TRIO: variants seen among roughly 807,000 people sequenced by gnomAD.
TRIO encodes triple functional domain protein.
In TRIO, 58 loss-of-function variants were observed where a neutral mutation model predicts 351.9. The ratio of observed to expected loss-of-function variants is 0.16; its 90% confidence interval spans 0.13 to 0.21. The LOEUF is 0.21. Ranked by LOEUF, TRIO falls within the 10% of genes least tolerant of loss-of-function variation. The probability of loss-of-function intolerance (pLI) is 1.00; values close to 1 mark genes in which losing one functional copy is unlikely to be tolerated. For synonymous variants in TRIO, 1,758 were observed against 1,595.7 expected, an observed-to-expected ratio of 1.10 and a Z score of -2.42; for missense variants, 3,201 against 4,027.8, an observed-to-expected ratio of 0.79 and a Z score of 5.56.
At chr5:14,160,577 C>G (rs1788386201) in intron 1 of TRIO, among the ~76,000 whole-genome samples, 1 of 152,136 alleles carries the variant, frequency 6.6e-6, no homozygotes, top group Non-Finnish European at 1.5e-5. Context: ...CTTTTGGCCT[C>G]TTTTAAAAAT....
At chr5:14,179,599 G>A (rs1789625716) in intron 1 of TRIO, among the ~76,000 whole-genome samples, 1 of 149,182 alleles carries the variant, frequency 6.7e-6, no homozygotes, top group African/African-American at 2.5e-5. Context: ...ACGAAGCCCA[G>A]CTCAGTTTTT....
intron 45 of TRIO, among the ~76,000 whole-genome samples, chr5:14,482,265 GTTCC>G (rs1755586195): frequency 1.3e-5 from 2 of 152,130 alleles, no homozygotes; most frequent in African/African-American, 4.8e-5. Context: ...TGCCTGATGA[GTTCC>G]TGCTGGCGAC....
intron 49 of TRIO, among the ~76,000 whole-genome samples, chr5:14,493,282 C>T (rs1263494736): frequency 1.3e-5 from 2 of 150,912 alleles, no homozygotes. Flanking sequence ...TTGTGCTTTG[C>T]TTTAATGTGC....
At chr5:14,344,118 T>A (rs368873276) in intron 11 of TRIO, among the ~76,000 whole-genome samples, 1 of 152,378 alleles carries the variant, frequency 6.6e-6, no homozygotes, top group East Asian at 1.9e-4. Flanking sequence ...TTTTCTGACA[T>A]GGGTACAAAT....
At position 14,143,413 on chromosome 5, in the gene TRIO, C is replaced by T. The variant is rs1480246152; in HGVS notation, c.-313C>T. 1.3e-5 allele frequency among the ~76,000 whole-genome samples: 2 copies of T among 150,326 alleles called. No homozygotes were observed. The highest frequency in any genetic ancestry group is 6.6e-5 in the Admixed American group (1 of 15,114). ...CCCGGAGGTCTCGCCGGCCACGGGC[C>T]CCCGCCCTCGCGACTGCGCGTCCGG... On this transcript the variant is annotated 5_prime_UTR_variant, in exon 1 of 57. Coordinates refer to ENST00000344204, the MANE Select transcript of TRIO (RefSeq NM_007118.4).
chr5:14,378,529 A>C (rs7723309), intron 20 of TRIO, among the ~76,000 whole-genome samples: 5,162 of 152,056 alleles, frequency 0.034, 307 homozygotes, highest in African/African-American at 0.12. Context: ...AAAATTAAGT[A>C]GGAAATGTGA....
intron 11 of TRIO, among the ~76,000 whole-genome samples, chr5:14,356,725 C>T (rs537736305): frequency 6.6e-6 from 1 of 152,234 alleles, no homozygotes; most frequent in East Asian, 1.9e-4. Context: ...AACCGAGATG[C>T]CCACCAGCAG....
chr5:14,406,103 T>G, intron 32 of TRIO, 113 bp downstream of exon 32: 1 of 1,410,380 alleles, frequency 7.1e-7, no homozygotes, highest in Non-Finnish European at 9.5e-7. Flanking sequence ...GGAATACATT[T>G]TTTAAACTGC....
In TRIO at chr5:14,497,743, C is replaced by A; in HGVS notation, c.8020-104C>A. 1 of 1,459,516 alleles carries A rather than the reference C, an allele frequency of 6.9e-7. No individual in the cohort carries two copies. The highest frequency in any genetic ancestry group is 9.6e-7 in the Non-Finnish European group (1 of 1,041,780). 90.4% of individuals were successfully genotyped at this position (1,459,516 alleles called of 1,614,324 possible). On this transcript the variant is annotated intron_variant, in intron 50 of 56. Transcript: ENST00000344204. This position sits in a 1 kb window ranked among gnomAD's most constrained non-coding sequence, Gnocchi z 4.4. ...TGTTTTGATTGATGCCCAGGCAAGT[C>A]AGTTTCTGCAAATCTTTCAACAATA... is the stretch of plus-strand genomic sequence containing the variant.
chr5:14,196,793 C>T (rs998433887), intron 1 of TRIO, among the ~76,000 whole-genome samples: 2 of 152,194 alleles, frequency 1.3e-5, no homozygotes, highest in Non-Finnish European at 2.9e-5. Context: ...TGTTTGTTAA[C>T]TGCCTTCTAA....
intron 1 of TRIO, among the ~76,000 whole-genome samples, chr5:14,179,012 T>C (rs1173660365): frequency 6.6e-6 from 1 of 152,146 alleles, no homozygotes; most frequent in Non-Finnish European, 1.5e-5. Context: ...TACCAAGAGC[T>C]CAGAAGGGGG....
intron 1 of TRIO, among the ~76,000 whole-genome samples, chr5:14,162,324 T>TTGTGTAG (rs1262408247): frequency 6.6e-6 from 1 of 152,182 alleles, no homozygotes. Flanking sequence ...CATAGAGATA[T>TTGTGTAG]TGTGTAGTGT....
chr5:14,454,526 G>A (rs1370143071), intron 34 of TRIO, among the ~76,000 whole-genome samples: 1 of 152,246 alleles, frequency 6.6e-6, no homozygotes, highest in Non-Finnish European at 1.5e-5. Flanking sequence ...ACCATTCATA[G>A]TGGTTGACTT....
chr5:14,296,231 T>A (rs981936676), intron 6 of TRIO, among the ~76,000 whole-genome samples: 1 of 152,036 alleles, frequency 6.6e-6, no homozygotes. Context: ...GGGGGACCCA[T>A]GGGAAGGAGT....
At chr5:14,273,918 C>T (rs1306679357) in intron 2 of TRIO, among the ~76,000 whole-genome samples, 2 of 152,118 alleles carry the variant, frequency 1.3e-5, no homozygotes, top group Non-Finnish European at 2.9e-5. Flanking sequence ...TGAATTTGTA[C>T]GAATTCGTTG....
intron 13 of TRIO, among the ~76,000 whole-genome samples, chr5:14,361,748 T>C (rs1744170981): frequency 6.6e-6 from 1 of 152,250 alleles, no homozygotes; most frequent in Non-Finnish European, 1.5e-5. Flanking sequence ...ACGGAAAATG[T>C]CACTCCACTG....
chr5:14,330,152 G>C (rs1740777259), intron 9 of TRIO, among the ~76,000 whole-genome samples: 1 of 152,144 alleles, frequency 6.6e-6, no homozygotes, highest in Non-Finnish European at 1.5e-5. Flanking sequence ...ATACTGCTTT[G>C]TTTTTACTTT....
chr5:14,184,646 T>C (rs1250513455), intron 1 of TRIO, among the ~76,000 whole-genome samples: 1 of 152,246 alleles, frequency 6.6e-6, no homozygotes, highest in Non-Finnish European at 1.5e-5. Context: ...TCTCAGCATC[T>C]TTTAAATGCT....
intron 34 of TRIO, among the ~76,000 whole-genome samples, chr5:14,435,572 A>T (rs1345477076): frequency 2.0e-5 from 3 of 152,240 alleles, no homozygotes; most frequent in African/African-American, 7.2e-5. Context: ...CTTGCCTACA[A>T]CACTATAGTG....
Sources: allele counts gnomAD v4.1 joint callset (sites outside exome capture counted in the v4.1 genomes callset), GRCh38; gene constraint gnomAD v4.1.1; non-coding constraint Gnocchi (gnomAD v3.1); transcripts MANE v1.5; gene names NCBI Gene and HGNC (gene_info 2026-07-23, HGNC 2026-07-21).